Variants in ANO1 observed in about 807,000 individuals in gnomAD.
The protein encoded by ANO1 is anoctamin 1, also known as anoctamin-1.
A neutral mutation model predicts 124.0 loss-of-function variants in ANO1; 59 were observed. The observed-to-expected ratio is 0.48, with a 90% CI of 0.39 to 0.59. The LOEUF (loss-of-function observed/expected upper bound fraction) is 0.59. ANO1 is among the 20% of genes least tolerant of loss of function. The pLI is 0.00. For synonymous variants in ANO1, 529 were observed against 532.0 expected (o/e 0.99, Z 0.08); for missense variants, 1,059 against 1,328.0 (o/e 0.80, Z 3.15).
chr11:70,171,943 G>A (rs2048487962), intron 22 of ANO1, among the ~76,000 whole-genome samples: 1 of 151,982 alleles, frequency 6.6e-6, no homozygotes, highest in Middle Eastern at 3.2e-3. Flanking sequence ...AACAGAGTGA[G>A]ACCCTGTCTC....
chr11:70,136,332 A>G (rs921186370), intron 11 of ANO1, among the ~76,000 whole-genome samples: 16 of 152,198 alleles, frequency 1.1e-4, no homozygotes, highest in African/African-American at 3.9e-4. Context: ...GCACCAGTCA[A>G]GAGGTTTAAG....
At chr11:70,001,416 C>T (rs1329578122) in intron 1 of ANO1, among the ~76,000 whole-genome samples, 5 of 152,026 alleles carry the variant, frequency 3.3e-5, no homozygotes, top group African/African-American at 1.2e-4. Flanking sequence ...CTGGAAGCTC[C>T]GCAGGGCCTG....
chr11:70,017,147 G>A (rs1248381637), intron 1 of ANO1, among the ~76,000 whole-genome samples: 1 of 152,196 alleles, frequency 6.6e-6, no homozygotes, highest in African/African-American at 2.4e-5. Flanking sequence ...GGGCCAAGGT[G>A]TGTCTTCTCT....
At chr11:70,148,192 G>A (rs907436342) in intron 11 of ANO1, among the ~76,000 whole-genome samples, 8 of 152,068 alleles carry the variant, frequency 5.3e-5, no homozygotes, top group African/African-American at 4.8e-5. Flanking sequence ...CACGGTCACC[G>A]TCGCACAGCC....
chr11:70,124,827 C>T (rs111965711), intron 9 of ANO1, among the ~76,000 whole-genome samples: 2 of 152,310 alleles, frequency 1.3e-5, no homozygotes, highest in African/African-American at 4.8e-5. Flanking sequence ...GCAACTTGCC[C>T]GCCAGAGCTC....
At chr11:69,996,623 G>C (rs1554998402) in intron 1 of ANO1, among the ~76,000 whole-genome samples, 1 of 152,182 alleles carries the variant, frequency 6.6e-6, no homozygotes, top group African/African-American at 2.4e-5. Flanking sequence ...CCTTGAACTG[G>C]TAACAGGTGG....
chr11:70,016,406 T>C (rs1039471869), intron 1 of ANO1: 1 of 152,184 alleles, frequency 6.6e-6, no homozygotes, highest in Non-Finnish European at 1.5e-5. Context: ...AAACCAGCAA[T>C]CGGATATGGT....
chr11:70,185,067 A>G (rs757924481), intron 24 of ANO1, among the ~76,000 whole-genome samples: 3 of 152,150 alleles, frequency 2.0e-5, no homozygotes, highest in Non-Finnish European at 4.4e-5. Flanking sequence ...GATTCCCTCA[A>G]AGAGGGGATG....
chr11:70,141,142 C>G (rs1237868267), intron 11 of ANO1, among the ~76,000 whole-genome samples: 2 of 152,214 alleles, frequency 1.3e-5, no homozygotes, highest in African/African-American at 4.8e-5. Context: ...ATGCAGGGCC[C>G]TCTTGGGGTA....
chr11:70,019,245 A>T lies in ANO1; in HGVS notation c.58+33079A>T, dbSNP rs60710496. ...AGGGGAGGGAAAGAAGAACCCCCCC[A>T]CACACACACACACACACATTCACTC... On this transcript the variant is annotated intron_variant, in intron 1 of 27. Transcript: ENST00000531349. Among the ~76,000 whole-genome samples, 10 of 37,680 alleles carry T rather than the reference A, an allele frequency of 2.7e-4. 1 individual carries two copies. The highest frequency in any genetic ancestry group is 9.9e-4 in the South Asian group (1 of 1,008). The allele number at this position is 37,680 out of a possible 152,430, so 24.7% of individuals were successfully genotyped here. A position where few individuals can be genotyped will look rare whatever the true frequency, so the allele number is the denominator to read the frequency against.
In ANO1 at chr11:70,087,631, C is replaced by T. The variant is rs2044434669; in HGVS notation, c.109-121C>T. On this transcript the variant is annotated intron_variant, in intron 1 of 25. Transcript: ENST00000355303. ...GACAGTGCCTGGCCCGTGGAGGGCG[C>T]TCAGGGAGTGTTTGTTGAACGAGTG... 4.0e-6 allele frequency: 4 copies of T among 1,009,478 alleles called. No homozygotes were observed. The South Asian group carries it at 7.8e-5, about 20-fold the overall frequency. 62.5% of individuals were successfully genotyped at this position (1,009,478 alleles called of 1,614,324 possible).
chr11:69,985,302 A>C (rs1249218429), upstream of ANO1, among the ~76,000 whole-genome samples: 1 of 132,346 alleles, frequency 7.6e-6, no homozygotes, highest in Non-Finnish European at 1.5e-5. Context: ...AGATTTCTAC[A>C]TTCTGCACAG....
chr11:70,181,496 G>A (rs1432172084), intron 23 of ANO1, among the ~76,000 whole-genome samples: 6 of 152,230 alleles, frequency 3.9e-5, no homozygotes, highest in African/African-American at 1.4e-4. Flanking sequence ...ACAAAGGCGC[G>A]CAGGGCCCTG....
chr11:70,127,650 C>G (rs753948906), intron 10 of ANO1, among the ~76,000 whole-genome samples: 4 of 152,224 alleles, frequency 2.6e-5, no homozygotes, highest in Non-Finnish European at 5.9e-5. Context: ...GAGCCATGGT[C>G]TCACCACTGC....
At chr11:70,023,693 C>A (rs1856843648) in intron 1 of ANO1, among the ~76,000 whole-genome samples, 1 of 152,104 alleles carries the variant, frequency 6.6e-6, no homozygotes, top group South Asian at 2.1e-4. Context: ...TAAGAAATGC[C>A]AAATATTTAA....
At chr11:70,151,131 C>A (rs1350283410) in intron 12 of ANO1, among the ~76,000 whole-genome samples, 1 of 152,246 alleles carries the variant, frequency 6.6e-6, no homozygotes, top group East Asian at 1.9e-4. Context: ...ACCTCAGTGT[C>A]CTCACTTGAT....
At chr11:69,972,478 T>C in the ANO1 span, among the ~76,000 whole-genome samples, 1 of 152,094 alleles carries the variant, frequency 6.6e-6, no homozygotes, top group Non-Finnish European at 1.5e-5. Flanking sequence ...GGGAGGGGTG[T>C]ACAGGCACGC....
At chr11:70,095,317 A>G (rs7480619) in intron 2 of ANO1, among the ~76,000 whole-genome samples, 16,801 of 79,482 alleles carry the variant, frequency 0.21, 3,306 homozygotes, top group Admixed American at 0.3. Flanking sequence ...AGAAAGAAAG[A>G]AAGGAAAGAA....
chr11:70,009,307 G>A (rs116906196), intron 1 of ANO1, among the ~76,000 whole-genome samples: 1,683 of 152,292 alleles, frequency 0.011, 16 homozygotes, highest in Non-Finnish European at 0.014. Flanking sequence ...CTTTCTCGGG[G>A]AGGGAGGATA....
Sources: gnomAD v4.1 joint callset for allele counts (sites outside exome capture counted in the v4.1 genomes callset) on GRCh38, gnomAD v4.1.1 for gene constraint, MANE v1.5 for transcripts, NCBI Gene and HGNC (gene_info 2026-07-23, HGNC 2026-07-21) for gene names.